The following SCML2 variants were observed in gnomAD, a reference collection of about 807,000 sequenced individuals.
SCML2 encodes the protein Scm polycomb group protein like 2.
A neutral mutation model predicts 48.4 loss-of-function variants in SCML2; 6 were observed. That is an observed-to-expected ratio of 0.12 (90% CI 0.07 to 0.24). The LOEUF is 0.24. Among genes scored for constraint, SCML2 ranks in the 10% least tolerant of loss-of-function variants. SCML2 has a pLI of 1.00. For missense variants in SCML2, 377 were observed against 528.2 expected (o/e 0.71, Z 2.81); for synonymous variants, 181 against 189.5 (o/e 0.95, Z 0.37).
Position 18,258,236 on chromosome X carries a change from C to T in SCML2, c.1081G>A (p.Val361Ile). The T allele has an allele frequency of 2.5e-6, 3 of 1,208,757 alleles. No homozygotes were observed. The highest frequency in any genetic ancestry group is 3.4e-6 in the Non-Finnish European group (3 of 893,133). ...KIVMSTVCVYVNKHGNFGPHL... is the reference protein window; with the variant it reads ...KIVMSTVCVYINKHGNFGPHL... ...GGGCCAAAGTTTCCATGTTTGTTTA[C>T]ATAGACACAGACTTGAGAAAAAATG... Residue 361 changes from valine (V) to isoleucine (I), a missense_variant, in exon 10 of 15, where the codon GTA becomes ATA. Physicochemically the swap from Val to Ile is conservative, Grantham distance 29 (BLOSUM62 3). Coordinates refer to ENST00000251900, the MANE Select transcript of SCML2 (RefSeq NM_006089.3).
chrX:18,345,749 C>A (rs1167046275), intron 1 of SCML2, among the ~76,000 whole-genome samples: 1 of 108,619 alleles, frequency 9.2e-6, no homozygotes, highest in Non-Finnish European at 1.9e-5. Flanking sequence ...CAGGGTCTCA[C>A]TCTGTTGCCC....
chrX:18,298,098 G>A (rs750929729), intron 7 of SCML2, among the ~76,000 whole-genome samples: 1 of 110,968 alleles, frequency 9.0e-6, no homozygotes, highest in South Asian at 3.8e-4. Flanking sequence ...ACTACAAAAC[G>A]CTGATGAAAA....
chrX:18,266,547 T>C (rs771033043), intron 7 of SCML2, among the ~76,000 whole-genome samples: 1 of 112,113 alleles, frequency 8.9e-6, no homozygotes, highest in South Asian at 3.7e-4. Flanking sequence ...TAGTATTAAT[T>C]CCTTGATAAT....
At chrX:18,322,946 G>A (rs970436227) in intron 5 of SCML2, among the ~76,000 whole-genome samples, 2 of 110,927 alleles carry the variant, frequency 1.8e-5, no homozygotes, top group African/African-American at 6.6e-5. Flanking sequence ...ATAGAACAAG[G>A]ACAGCATAAA....
intron 6 of SCML2, among the ~76,000 whole-genome samples, chrX:18,308,635 TAAC>T (rs1928845218): frequency 9.1e-6 from 1 of 110,210 alleles, no homozygotes; most frequent in South Asian, 3.9e-4. Context: ...ACCAAAAAAA[TAAC>T]AAATGTTGGT....
At chrX:18,275,703 C>T (rs1175239287) in intron 7 of SCML2, among the ~76,000 whole-genome samples, 1 of 112,285 alleles carries the variant, frequency 8.9e-6, no homozygotes, top group Non-Finnish European at 1.9e-5. Context: ...GGTTTTGTCT[C>T]TGATCTTATG....
At chrX:18,255,830 G>C (rs1427135230) in intron 11 of SCML2, among the ~76,000 whole-genome samples, 1 of 112,540 alleles carries the variant, frequency 8.9e-6, no homozygotes, top group East Asian at 2.8e-4. Context: ...ATGGTACTCT[G>C]TATTTCCAGA....
chrX:18,331,235 G>A (rs1422553596), intron 2 of SCML2, among the ~76,000 whole-genome samples: 1 of 89,623 alleles, frequency 1.1e-5, no homozygotes, highest in Non-Finnish European at 2.1e-5. Flanking sequence ...ACTCCAGCCT[G>A]GGTGACAGAG....
chrX:18,301,600 C>T (rs929452104), intron 7 of SCML2, among the ~76,000 whole-genome samples: 2 of 110,403 alleles, frequency 1.8e-5, no homozygotes, highest in African/African-American at 3.3e-5. Context: ...AGTTAGACCC[C>T]GTCTCTACCA....
chrX:18,287,884 C>G (rs982332231), intron 7 of SCML2, among the ~76,000 whole-genome samples: 9 of 111,361 alleles, frequency 8.1e-5, no homozygotes, highest in African/African-American at 2.9e-4. Context: ...ACTACTCCCC[C>G]CTTCAGCCTC....
At chrX:18,285,117 A>G (rs1366276351) in intron 7 of SCML2, among the ~76,000 whole-genome samples, 1 of 111,206 alleles carries the variant, frequency 9.0e-6, no homozygotes, top group Admixed American at 9.6e-5. Context: ...TGGGGACATA[A>G]ATTAGTTCAG....
rs770698670 is a variant in SCML2, at chrX:18,341,553, G to A, written c.-24-7458C>T. Among the ~76,000 whole-genome samples the A allele has an allele frequency of 1.1e-3, 124 of 111,346 alleles. 1 individual carries two copies. Among genetic ancestry groups the A allele is most frequent in the African/African-American group, 3.9e-3 (119 of 30,702 alleles). On this transcript the variant is annotated intron_variant, in intron 1 of 14. Transcript: ENST00000251900. ...TGGGATATTATAGAAAATTATTTGC[G>A]TGAATAATGAAAACACAGCTCATGG...
chrX:18,282,139 A>G (rs769902079), intron 7 of SCML2, among the ~76,000 whole-genome samples: 1 of 111,189 alleles, frequency 9.0e-6, no homozygotes, highest in South Asian at 3.8e-4. Flanking sequence ...AAACAAAAAC[A>G]AAACTGAGAC....
intron 5 of SCML2, among the ~76,000 whole-genome samples, chrX:18,321,737 C>A (rs1259254843): frequency 9.0e-6 from 1 of 110,668 alleles, no homozygotes; most frequent in Non-Finnish European, 1.9e-5. Flanking sequence ...TCTCTCTCAA[C>A]TCCCATATTA....
intron 6 of SCML2, among the ~76,000 whole-genome samples, chrX:18,316,665 C>G (rs923223340): frequency 8.9e-6 from 1 of 112,001 alleles, no homozygotes; most frequent in Non-Finnish European, 1.9e-5. Context: ...CCCAACCCCC[C>G]AGACTGGTAC....
At chrX:18,349,039 T>G (rs1283148667) in intron 1 of SCML2, among the ~76,000 whole-genome samples, 1 of 112,283 alleles carries the variant, frequency 8.9e-6, no homozygotes, top group African/African-American at 3.2e-5. Flanking sequence ...CACCAGTTAA[T>G]CTTTATGAGA....
intron 14 of SCML2, among the ~76,000 whole-genome samples, chrX:18,241,649 A>G (rs908352663): frequency 5.3e-5 from 6 of 112,391 alleles, no homozygotes; most frequent in African/African-American, 9.7e-5. Flanking sequence ...CTGTGTGTTA[A>G]ATAAAATACT....
chrX:18,320,557 A>T lies in SCML2; in HGVS notation c.398-137T>A, dbSNP rs1929282228. ...TTATCTAAGAACTTTGAACATGGGC[A>T]AGAGGAGCAGATGTACCCTCCTCTC... On this transcript the variant is annotated intron_variant, in intron 5 of 14. Coordinates refer to ENST00000251900, the MANE Select transcript of SCML2 (RefSeq NM_006089.3). 5 of 387,502 alleles carry T rather than the reference A, an allele frequency of 1.3e-5. No individual in the cohort carries two copies. In the South Asian group the frequency reaches 3.1e-4, roughly 24 times the overall value. 31.9% of individuals were successfully genotyped at this position (387,502 alleles called of 1,213,427 possible). A position where few individuals can be genotyped will look rare whatever the true frequency, so the allele number is the denominator to read the frequency against.
intron 1 of SCML2, among the ~76,000 whole-genome samples, chrX:18,334,563 T>C (rs1338361435): frequency 2.7e-5 from 3 of 111,522 alleles, no homozygotes; most frequent in African/African-American, 6.5e-5. Flanking sequence ...TATGACCGTG[T>C]TGGGAAAACC....
Sources: gnomAD v4.1 joint callset for allele counts (sites outside exome capture counted in the v4.1 genomes callset) on GRCh38, gnomAD v4.1.1 for gene constraint, MANE v1.5 for transcripts, NCBI Gene and HGNC (gene_info 2026-07-23, HGNC 2026-07-21) for gene names.